The following AP2B1 variants were observed in gnomAD, a reference collection of about 807,000 sequenced individuals.
The protein encoded by AP2B1 is AP-2 complex subunit beta.
AP2B1 carries 23 observed loss-of-function variants against 102.0 expected under a neutral mutation model. The observed-to-expected ratio is 0.23, with a 90% confidence interval of 0.16 to 0.32. AP2B1 has a LOEUF of 0.32. AP2B1 is among the 10% of genes least tolerant of loss of function. AP2B1 has a pLI of 1.00. For missense variants in AP2B1, 541 were observed against 1,157.4 expected (o/e 0.47, Z 7.73); for synonymous variants, 381 against 421.2 (o/e 0.90, Z 1.17).
At chr17:35,680,693 TTTTTTTG>T (rs1360111147) in intron 17 of AP2B1, among the ~76,000 whole-genome samples, 13 of 57,532 alleles carry the variant, frequency 2.3e-4, no homozygotes, top group African/African-American at 1.3e-3. Context: ...TTGGTTTTTT[TTTTTTTG>T]TTTTTTTTTT....
chr17:35,605,253 C>T (rs61235285), intron 3 of AP2B1, among the ~76,000 whole-genome samples: 110,963 of 148,140 alleles, frequency 0.75, 42,189 homozygotes, highest in African/African-American at 0.9. Flanking sequence ...TTTTTTTTTC[C>T]TTTTTTTTTT....
At chr17:35,671,384 G>A (rs2075583731) in intron 15 of AP2B1, among the ~76,000 whole-genome samples, 1 of 152,146 alleles carries the variant, frequency 6.6e-6, no homozygotes, top group Non-Finnish European at 1.5e-5. Context: ...TGGAACTGCT[G>A]TTTAAGTTGG....
chr17:35,681,601 G>T (rs1443830448), intron 17 of AP2B1, among the ~76,000 whole-genome samples: 2 of 151,528 alleles, frequency 1.3e-5, no homozygotes, highest in Non-Finnish European at 1.5e-5. Flanking sequence ...TTTTTTTGGT[G>T]GGGGGTGGGC....
rs767152693 is a variant in AP2B1 at position 35,624,355 on chromosome 17, G to T, written c.526-42G>T. 34 of 1,581,872 alleles carry T rather than the reference G, an allele frequency of 2.1e-5. 1 individual carries two copies. In the African/African-American group the frequency reaches 3.7e-4, roughly 17 times the overall value. ...TGATGAAGTGTTTGTCTATAGCTGT[G>T]CTGTTCTTGGTGAATCAAGGTCATA... On this transcript the variant is annotated intron_variant, in intron 5 of 21. Transcript: ENST00000610402.
At chr17:35,711,171 C>T (rs1223369425) in intron 20 of AP2B1, among the ~76,000 whole-genome samples, 2 of 152,074 alleles carry the variant, frequency 1.3e-5, no homozygotes, top group African/African-American at 4.8e-5. Flanking sequence ...TTCACTGTTG[C>T]TCTCTCTTTC....
chr17:35,598,505 T>G (rs2073366658), intron 3 of AP2B1, among the ~76,000 whole-genome samples, 170 bp downstream of exon 3: 1 of 152,162 alleles, frequency 6.6e-6, no homozygotes, highest in Non-Finnish European at 1.5e-5. Flanking sequence ...ATGCTCTACT[T>G]TTTGTTTGTT....
intron 13 of AP2B1, 113 bp downstream of exon 13, chr17:35,650,902 A>T (rs1330083997): frequency 1.6e-6 from 2 of 1,263,210 alleles, no homozygotes; most frequent in Non-Finnish European, 2.2e-6. Flanking sequence ...TTGCTTCTTT[A>T]TGCTTTTATA....
chr17:35,671,637 G>A (rs1048207211), intron 15 of AP2B1, 117 bp from the exon 16 acceptor site: 6 of 1,022,828 alleles, frequency 5.9e-6, no homozygotes, highest in Non-Finnish European at 8.7e-6. Flanking sequence ...TAAGAATATT[G>A]TAATTATGGT....
chr17:35,671,951 CTG>C, intron 16 of AP2B1, 51 bp downstream of exon 16: 1 of 1,584,154 alleles, frequency 6.3e-7, no homozygotes, highest in Non-Finnish European at 8.6e-7. Flanking sequence ...AGGACCCAAA[CTG>C]TTTCACTTTC....
intron 3 of AP2B1, among the ~76,000 whole-genome samples, chr17:35,599,641 C>T (rs1368951161): frequency 2.6e-5 from 4 of 152,104 alleles, no homozygotes; most frequent in Admixed American, 2.6e-4. Context: ...TGGTGGCTCA[C>T]GGTTGTGATC....
chr17:35,699,513 G>A (rs2076201915), intron 18 of AP2B1, among the ~76,000 whole-genome samples: 1 of 152,146 alleles, frequency 6.6e-6, no homozygotes. Flanking sequence ...TCTATTGGGT[G>A]GACTGAGAAA....
At chr17:35,697,059 C>T (rs2076154892) in intron 18 of AP2B1, among the ~76,000 whole-genome samples, 1 of 152,240 alleles carries the variant, frequency 6.6e-6, no homozygotes. Flanking sequence ...CAGAGTATCC[C>T]TAAACACAGC....
intron 5 of AP2B1, among the ~76,000 whole-genome samples, chr17:35,612,350 A>T (rs1311573293): frequency 6.6e-6 from 1 of 152,192 alleles, no homozygotes; most frequent in East Asian, 1.9e-4. Context: ...CTTGTTACAC[A>T]TACTCATATT....
intron 17 of AP2B1, among the ~76,000 whole-genome samples, chr17:35,675,953 A>G (rs143770286): frequency 4.3e-4 from 66 of 152,278 alleles, no homozygotes; most frequent in African/African-American, 1.4e-3. Flanking sequence ...GGTCCCATAC[A>G]TTGCAATTGG....
chr17:35,695,447 G>A (rs929601425), intron 18 of AP2B1, among the ~76,000 whole-genome samples: 3 of 152,096 alleles, frequency 2.0e-5, no homozygotes, highest in Non-Finnish European at 4.4e-5. Flanking sequence ...ACATAGGTAT[G>A]TCACTGGCAT....
At chr17:35,695,697 T>C (rs1327926275) in intron 18 of AP2B1, among the ~76,000 whole-genome samples, 1 of 152,140 alleles carries the variant, frequency 6.6e-6, no homozygotes, top group African/African-American at 2.4e-5. Flanking sequence ...ACAGAATTAC[T>C]CTATATAGTT....
chr17:35,646,777 TG>T (rs2074945980), intron 12 of AP2B1, among the ~76,000 whole-genome samples: 1 of 151,846 alleles, frequency 6.6e-6, no homozygotes. Context: ...TTTGTAGAGA[TG>T]GGATTTTGCC....
chr17:35,687,487 G>A (rs587622168), intron 18 of AP2B1, among the ~76,000 whole-genome samples: 9 of 151,966 alleles, frequency 5.9e-5, no homozygotes, highest in African/African-American at 1.9e-4. Flanking sequence ...TACTTTTCAT[G>A]TTCCCATTTT....
At chr17:35,701,412 A>G (rs114580414) in intron 18 of AP2B1, among the ~76,000 whole-genome samples, 140 of 152,336 alleles carry the variant, frequency 9.2e-4, no homozygotes, top group African/African-American at 3.1e-3. Flanking sequence ...AACACATATT[A>G]AAACATATAT....
Sources: gnomAD v4.1 joint callset for allele counts (sites outside exome capture counted in the v4.1 genomes callset) on GRCh38, gnomAD v4.1.1 for gene constraint, MANE v1.5 for transcripts, NCBI Gene and HGNC (gene_info 2026-07-23, HGNC 2026-07-21) for gene names.